SLC44A5: variants seen among roughly 807,000 people sequenced by gnomAD.
The protein encoded by SLC44A5 is choline transporter-like protein 5.
Under a neutral mutation model 101.8 loss-of-function variants are expected in SLC44A5, and 57 were observed. The ratio of observed to expected loss-of-function variants is 0.56; its 90% CI spans 0.45 to 0.70. The LOEUF is 0.70. Ranked by LOEUF, SLC44A5 falls within the 30% of genes least tolerant of loss-of-function variation. SLC44A5 has a pLI of 0.00. For synonymous variants in SLC44A5, 281 were observed against 290.9 expected, an observed-to-expected ratio of 0.97 and a Z score of 0.35; for missense variants, 737 against 853.1, an observed-to-expected ratio of 0.86 and a Z score of 1.70.
chr1:75,290,990 A>C lies in SLC44A5; in HGVS notation c.175+9622T>G, dbSNP rs554146316. ...GAGTAGGATGTAAAAGATGGGACAA[A>C]GCATATCCTTAAAACAGGTTTGCAG... is the stretch of plus-strand genomic sequence containing the variant. On this transcript the variant is annotated intron_variant, in intron 5 of 23. Transcript: ENST00000370859. 1.3e-3 allele frequency among the ~76,000 whole-genome samples: 200 copies of C among 152,360 alleles called. 2 individuals are homozygous for C. Among genetic ancestry groups the C allele is most frequent in the Admixed American group, 2.1e-3 (32 of 15,308 alleles).
intron 3 of SLC44A5, among the ~76,000 whole-genome samples, chr1:75,342,478 A>C (rs575855224): frequency 1.3e-5 from 2 of 152,252 alleles, no homozygotes; most frequent in Admixed American, 6.6e-5. Context: ...GAAAGGTGAG[A>C]TAATTTTCCC....
chr1:75,441,695 G>A (rs1665213090), intron 2 of SLC44A5, among the ~76,000 whole-genome samples: 1 of 151,936 alleles, frequency 6.6e-6, no homozygotes, highest in Non-Finnish European at 1.5e-5. Flanking sequence ...TTAGAATACA[G>A]CATGGTCTTC....
chr1:75,246,125 T>C lies in SLC44A5; in HGVS notation c.346-3114A>G, dbSNP rs148970515. On this transcript the variant is annotated intron_variant, in intron 7 of 23. Transcript: ENST00000370859. The stretch of plus-strand genomic sequence containing the variant: ...TTCTCTGTGCACCACAAAGGGCACT[T>C]TGCATAAAGCTCTGTATTACCATTT... Among the ~76,000 whole-genome samples the C allele has an allele frequency of 2.8e-3, 420 of 152,224 alleles. 3 individuals carry two copies. The highest frequency in any genetic ancestry group is 9.6e-3 in the African/African-American group (399 of 41,554).
At chr1:75,598,162 C>T (rs1481997016) in intron 1 of SLC44A5, among the ~76,000 whole-genome samples, 2 of 151,362 alleles carry the variant, frequency 1.3e-5, no homozygotes, top group Non-Finnish European at 3.0e-5. Context: ...GACATACATG[C>T]ACCCAACAAT....
chr1:75,464,748 A>C (rs1219394002), intron 2 of SLC44A5, among the ~76,000 whole-genome samples: 1 of 152,238 alleles, frequency 6.6e-6, no homozygotes, highest in African/African-American at 2.4e-5. Context: ...GTATCAGACA[A>C]AATAGATTTC....
intron 2 of SLC44A5, among the ~76,000 whole-genome samples, chr1:75,491,264 T>C (rs1264541354): frequency 6.6e-6 from 1 of 152,140 alleles, no homozygotes; most frequent in Non-Finnish European, 1.5e-5. Flanking sequence ...TGTGATACCA[T>C]CTTGCCACCA....
chr1:75,207,637 A>C (rs2100430650), intron 23 of SLC44A5, among the ~76,000 whole-genome samples: 1 of 152,282 alleles, frequency 6.6e-6, no homozygotes, highest in East Asian at 1.9e-4. Flanking sequence ...GAAAAGCAAA[A>C]GAGGGAACAT....
At chr1:75,464,891 T>C (rs1666728575) in intron 2 of SLC44A5, among the ~76,000 whole-genome samples, 2 of 152,102 alleles carry the variant, frequency 1.3e-5, no homozygotes, top group African/African-American at 4.8e-5. Context: ...GCAAATATTA[T>C]TACAGCTAAA....
At chr1:75,628,479 G>A in the SLC44A5 span, among the ~76,000 whole-genome samples, 1 of 152,096 alleles carries the variant, frequency 6.6e-6, no homozygotes, top group Non-Finnish European at 1.5e-5. Context: ...TGTGTTTCAA[G>A]CAAATCACTT....
chr1:75,214,520 A>C (rs1570370649), intron 20 of SLC44A5, 85 bp downstream of exon 20: 2 of 1,020,438 alleles, frequency 2.0e-6, no homozygotes, highest in Admixed American at 4.3e-5. Context: ...TAATGCCACC[A>C]ACACTTTAAA....
At chr1:75,220,571 C>T (rs1200327868) in intron 14 of SLC44A5, among the ~76,000 whole-genome samples, 1 of 151,802 alleles carries the variant, frequency 6.6e-6, no homozygotes, top group Non-Finnish European at 1.5e-5. Context: ...AATATAATTT[C>T]TAAAATGCAA....
chr1:75,518,503 A>C (rs1316133044), intron 2 of SLC44A5, among the ~76,000 whole-genome samples: 1 of 152,198 alleles, frequency 6.6e-6, no homozygotes, highest in Non-Finnish European at 1.5e-5. Flanking sequence ...CCCAGTGCCC[A>C]GCACTGTAGT....
At chr1:75,676,895 T>C in the SLC44A5 span, among the ~76,000 whole-genome samples, 4 of 152,000 alleles carry the variant, frequency 2.6e-5, no homozygotes, top group Non-Finnish European at 4.4e-5. Flanking sequence ...ACAAGTAATA[T>C]AAAATGGAGT....
rs964751956 is a variant in SLC44A5, at chr1:75,462,537, A to T, written c.14-65916T>A. Among the ~76,000 whole-genome samples the T allele has an allele frequency of 8.5e-5, 13 of 152,292 alleles. No individual in the cohort carries two copies. In the East Asian group the frequency reaches 2.5e-3, roughly 29 times the overall value. ...AAAACACAACATCACCAAATGAACT[A>T]AATAACGCATCAGGGACCAGTCCTG... On this transcript the variant is annotated intron_variant, in intron 2 of 23. Coordinates refer to ENST00000370859, the MANE Select transcript of SLC44A5 (RefSeq NM_001130058.2).
intron 2 of SLC44A5, among the ~76,000 whole-genome samples, chr1:75,442,458 T>A (rs910946839): frequency 2.0e-5 from 3 of 152,162 alleles, no homozygotes; most frequent in Non-Finnish European, 4.4e-5. Flanking sequence ...CTTTGTCTGC[T>A]TATTCCAATT....
the SLC44A5 span, among the ~76,000 whole-genome samples, chr1:75,617,726 G>C: frequency 2.3e-4 from 35 of 152,242 alleles, no homozygotes; most frequent in Middle Eastern, 3.4e-3. Flanking sequence ...AAATAAGACT[G>C]ACTCAAAGTT....
At chr1:75,659,425 G>C in the SLC44A5 span, among the ~76,000 whole-genome samples, 2 of 22,328 alleles carry the variant, frequency 9.0e-5, no homozygotes, top group African/African-American at 3.2e-4. Context: ...AAGAGGGAGG[G>C]TGGGAGGGAG....
At chr1:75,221,351 C>T (rs147567627) in intron 14 of SLC44A5, among the ~76,000 whole-genome samples, 178 of 152,084 alleles carry the variant, frequency 1.2e-3, no homozygotes, top group Non-Finnish European at 2.0e-3. Context: ...TACTTCCATG[C>T]GTTATTAAAA....
intron 2 of SLC44A5, among the ~76,000 whole-genome samples, chr1:75,465,691 AGG>A (rs1271911025): frequency 6.6e-6 from 1 of 152,144 alleles, no homozygotes; most frequent in Non-Finnish European, 1.5e-5. Flanking sequence ...GAAATGAAAA[AGG>A]AGATATTACA....
Sources: allele counts gnomAD v4.1 joint callset (sites outside exome capture counted in the v4.1 genomes callset), GRCh38; gene constraint gnomAD v4.1.1; transcripts MANE v1.5; gene names NCBI Gene and HGNC (gene_info 2026-07-23, HGNC 2026-07-21).